Variants in DMD observed in about 807,000 individuals in gnomAD.
The protein encoded by DMD is mutant dystrophin.
DMD carries 63 observed loss-of-function variants against 330.1 expected under a neutral mutation model. The ratio of observed to expected loss-of-function variants is 0.19; its 90% CI spans 0.16 to 0.24. The LOEUF is 0.24. DMD is among the 10% of genes least tolerant of loss of function. The probability of loss-of-function intolerance (pLI) is 1.00; values close to 1 mark genes in which losing one functional copy is unlikely to be tolerated. For synonymous variants in DMD, 1,223 were observed against 959.8 expected, an observed-to-expected ratio of 1.27 and a Z score of -5.07; for missense variants, 3,344 against 2,684.1, an observed-to-expected ratio of 1.25 and a Z score of -5.43.
chrX:32,944,825 C>G (rs1202491336), intron 2 of DMD, among the ~76,000 whole-genome samples: 1 of 110,168 alleles, frequency 9.1e-6, no homozygotes, highest in Non-Finnish European at 1.9e-5. Context: ...AGGCTGGTCT[C>G]GAACTCCTGA....
chrX:32,585,699 C>CAAAAAAAAAAAAAAAAAAAAAAAAAAA (rs61394183), intron 13 of DMD, among the ~76,000 whole-genome samples: 15 of 31,931 alleles, frequency 4.7e-4, no homozygotes, highest in East Asian at 1.4e-3. Flanking sequence ...GACTCCGTCT[C>CAAAAAAAAAAAAAAAAAAAAAAAAAAA]AAAAAAAAAA....
chrX:31,657,889 C>G (rs751693227), intron 54 of DMD, 101 bp downstream of exon 54: 1 of 913,639 alleles, frequency 1.1e-6, no homozygotes, highest in East Asian at 3.1e-5. Context: ...CTCCCAAGCT[C>G]CAGTTTAGCT....
intron 49 of DMD, among the ~76,000 whole-genome samples, chrX:31,834,464 A>G (rs1370694537): frequency 9.0e-6 from 1 of 111,589 alleles, no homozygotes; most frequent in Non-Finnish European, 1.9e-5. Flanking sequence ...TTTGAGACGG[A>G]GTTTCGCTCG....
intron 1 of DMD, among the ~76,000 whole-genome samples, chrX:33,206,662 C>T (rs189597377): frequency 4.2e-4 from 47 of 111,480 alleles, no homozygotes; most frequent in African/African-American, 1.4e-3. Flanking sequence ...CTGTGTGTTC[C>T]GTTGCCTACT....
At chrX:32,726,203 C>A (rs1033990842) in intron 7 of DMD, among the ~76,000 whole-genome samples, 1 of 111,169 alleles carries the variant, frequency 9.0e-6, no homozygotes, top group Non-Finnish European at 1.9e-5. Flanking sequence ...AACCCATGAA[C>A]AAATGTCATT....
chrX:32,435,694 T>C (rs1603633433), intron 29 of DMD, among the ~76,000 whole-genome samples: 1 of 111,012 alleles, frequency 9.0e-6, no homozygotes, highest in South Asian at 3.9e-4. Flanking sequence ...TAGAGGTTTG[T>C]CTGTCCCAGT....
intron 48 of DMD, among the ~76,000 whole-genome samples, chrX:31,870,903 C>T (rs1291656123): frequency 9.0e-6 from 1 of 111,384 alleles, no homozygotes; most frequent in African/African-American, 3.3e-5. Context: ...AATTATGTGT[C>T]CCGCCACACC....
chrX:31,801,625 A>G (rs2092072763), intron 50 of DMD, among the ~76,000 whole-genome samples: 1 of 93,754 alleles, frequency 1.1e-5, no homozygotes, highest in Non-Finnish European at 2.1e-5. Flanking sequence ...TTCTTGTGCT[A>G]GATGTATTAA....
At chrX:32,231,534 T>C (rs2097169189) in intron 43 of DMD, among the ~76,000 whole-genome samples, 1 of 112,216 alleles carries the variant, frequency 8.9e-6, no homozygotes, top group African/African-American at 3.2e-5. Context: ...TCTCTGTCTA[T>C]CTTTGAATAT....
intron 60 of DMD, among the ~76,000 whole-genome samples, chrX:31,377,023 T>C (rs1045651390): frequency 1.8e-5 from 2 of 112,248 alleles, no homozygotes; most frequent in Non-Finnish European, 3.8e-5. Context: ...AGTACATATA[T>C]GCAGTTAGGA....
chrX:32,721,360 A>C (rs947033784), intron 7 of DMD, among the ~76,000 whole-genome samples: 1 of 110,183 alleles, frequency 9.1e-6, no homozygotes, highest in Non-Finnish European at 1.9e-5. Flanking sequence ...CCTTGCCTTT[A>C]CTGGCACTTG....
At chrX:32,725,204 G>A (rs191747283) in intron 7 of DMD, among the ~76,000 whole-genome samples, 1 of 111,247 alleles carries the variant, frequency 9.0e-6, no homozygotes, top group African/African-American at 3.3e-5. Flanking sequence ...GGGTGTTCCA[G>A]AAATTTCAAT....
intron 9 of DMD, among the ~76,000 whole-genome samples, chrX:32,648,564 T>C (rs757337504): frequency 8.9e-6 from 1 of 111,845 alleles, no homozygotes; most frequent in Non-Finnish European, 1.9e-5. Context: ...TGTATATGTA[T>C]ATATGTTCTA....
At chrX:31,788,776 T>C (rs1158447395) in intron 50 of DMD, among the ~76,000 whole-genome samples, 1 of 111,529 alleles carries the variant, frequency 9.0e-6, no homozygotes, top group East Asian at 2.8e-4. Context: ...ATATTTACAA[T>C]TGTTATACCT....
intron 54 of DMD, among the ~76,000 whole-genome samples, chrX:31,656,745 G>T (rs1281627235): frequency 1.8e-5 from 2 of 111,801 alleles, no homozygotes; most frequent in Non-Finnish European, 3.8e-5. Context: ...GTTACTATGA[G>T]AATTTTTCCA....
intron 11 of DMD, among the ~76,000 whole-genome samples, chrX:32,635,548 A>G (rs2059038148): frequency 8.9e-6 from 1 of 112,224 alleles, no homozygotes; most frequent in African/African-American, 3.2e-5. Flanking sequence ...AGAAATCATG[A>G]TATATTATAA....
intron 1 of DMD, among the ~76,000 whole-genome samples, chrX:33,080,315 C>G (rs912032959): frequency 2.7e-5 from 3 of 111,162 alleles, no homozygotes; most frequent in Non-Finnish European, 5.7e-5. Flanking sequence ...CTGTATAAAC[C>G]CTTTTCACTT....
At chrX:32,840,356 T>G in intron 4 of DMD, among the ~76,000 whole-genome samples, 1 of 112,261 alleles carries the variant, frequency 8.9e-6, no homozygotes, top group Non-Finnish European at 1.9e-5. Context: ...TTTAATAATT[T>G]CATTAGAAAA....
intron 30 of DMD, among the ~76,000 whole-genome samples, chrX:32,403,109 A>C (rs1323539765): frequency 8.9e-6 from 1 of 112,038 alleles, no homozygotes; most frequent in African/African-American, 3.2e-5. Context: ...ATTTTTAAAA[A>C]GCAAATAAAA....
Sources: gnomAD v4.1 joint callset for allele counts (sites outside exome capture counted in the v4.1 genomes callset) on GRCh38, gnomAD v4.1.1 for gene constraint, MANE v1.5 for transcripts, NCBI Gene and HGNC (gene_info 2026-07-23, HGNC 2026-07-21) for gene names.